MYO16: variants seen among roughly 807,000 people sequenced by gnomAD.
MYO16 encodes myosin XVI.
A neutral mutation model predicts 205.3 loss-of-function variants in MYO16; 94 were observed. The ratio of observed to expected loss-of-function variants is 0.46; its 90% CI spans 0.39 to 0.54. The LOEUF is 0.54. MYO16 is among the 20% of genes least tolerant of loss of function. The pLI is 0.00. For synonymous variants in MYO16, 988 were observed against 954.0 expected, an observed-to-expected ratio of 1.04 and a Z score of -0.66; for missense variants, 2,315 against 2,387.5, an observed-to-expected ratio of 0.97 and a Z score of 0.63.
At chr13:108,604,516 G>A (rs528888546) in intron 1 of MYO16, among the ~76,000 whole-genome samples, 4 of 152,180 alleles carry the variant, frequency 2.6e-5, no homozygotes, top group Non-Finnish European at 5.9e-5. Context: ...AAAAGAACTA[G>A]CAGAATGACC....
At chr13:109,149,307 A>T (rs576918678) in intron 32 of MYO16, among the ~76,000 whole-genome samples, 29 of 152,158 alleles carry the variant, frequency 1.9e-4, no homozygotes, top group Non-Finnish European at 3.2e-4. Flanking sequence ...TCTCCTGTTG[A>T]CCAAGCACAT....
intron 16 of MYO16, among the ~76,000 whole-genome samples, chr13:108,927,331 G>T (rs1402253549): frequency 6.6e-6 from 1 of 152,170 alleles, no homozygotes; most frequent in Non-Finnish European, 1.5e-5. Context: ...TTCTAAATGA[G>T]TGATTTTTCA....
chr13:108,950,923 T>C (rs9587730), intron 16 of MYO16, among the ~76,000 whole-genome samples: 21,349 of 152,186 alleles, frequency 0.14, 1,610 homozygotes, highest in Middle Eastern at 0.27. Context: ...TCCCAGTTTT[T>C]GATTCATAGT....
chr13:108,626,904 TTA>T (rs553256899), upstream of MYO16, among the ~76,000 whole-genome samples: 16 of 146,494 alleles, frequency 1.1e-4, no homozygotes, highest in East Asian at 2.0e-4. Flanking sequence ...TATATGTATA[TTA>T]TATATATTAT....
chr13:108,765,205 T>G (rs1248411281), intron 4 of MYO16, among the ~76,000 whole-genome samples: 2 of 152,140 alleles, frequency 1.3e-5, no homozygotes, highest in Non-Finnish European at 2.9e-5. Context: ...ACCTTAAGAT[T>G]TTCTTCTCAA....
intron 8 of MYO16, among the ~76,000 whole-genome samples, 156 bp downstream of exon 8, chr13:108,820,568 G>A (rs545499663): frequency 6.6e-6 from 1 of 152,032 alleles, no homozygotes; most frequent in Non-Finnish European, 1.5e-5. Context: ...ATTCATCATC[G>A]CCTATGTACG....
intron 33 of MYO16, among the ~76,000 whole-genome samples, chr13:109,179,034 C>A (rs896470807): frequency 6.6e-6 from 1 of 152,144 alleles, no homozygotes; most frequent in African/African-American, 2.4e-5. Context: ...GGAAATTCAG[C>A]CAATCTCTTT....
chr13:108,905,889 C>A (rs1378948902), intron 15 of MYO16, among the ~76,000 whole-genome samples: 1 of 152,176 alleles, frequency 6.6e-6, no homozygotes, highest in Non-Finnish European at 1.5e-5. Context: ...TCACCATCAG[C>A]AAGCATTCGG....
chr13:109,113,784 G>A (rs536171487), intron 28 of MYO16, among the ~76,000 whole-genome samples: 15 of 152,230 alleles, frequency 9.9e-5, no homozygotes, highest in Non-Finnish European at 1.9e-4. Flanking sequence ...AATGACCTGT[G>A]GAAATCTTTA....
At chr13:109,071,142 A>AT (rs911564746) in intron 27 of MYO16, among the ~76,000 whole-genome samples, 7 of 152,128 alleles carry the variant, frequency 4.6e-5, no homozygotes, top group African/African-American at 1.2e-4. Context: ...AGAAATCCAT[A>AT]TTTTTTTAAA....
At chr13:108,770,927 T>C (rs555548952) in intron 4 of MYO16, among the ~76,000 whole-genome samples, 40 of 152,324 alleles carry the variant, frequency 2.6e-4, no homozygotes, top group African/African-American at 8.9e-4. Context: ...GAGTGAGCTA[T>C]AGGCTAGTGG....
chr13:108,888,880 C>G (rs922039800), intron 14 of MYO16, among the ~76,000 whole-genome samples: 1 of 151,944 alleles, frequency 6.6e-6, no homozygotes, highest in Non-Finnish European at 1.5e-5. Context: ...CATTGTGAAA[C>G]CTCGTCTCTA....
At chr13:108,663,849 T>C (rs1170690351) in intron 1 of MYO16, among the ~76,000 whole-genome samples, 1 of 152,206 alleles carries the variant, frequency 6.6e-6, no homozygotes, top group African/African-American at 2.4e-5. Context: ...TTTGTGGCCC[T>C]GTTGATCCCC....
chr13:109,054,036 G>T (rs1231675617), intron 25 of MYO16, among the ~76,000 whole-genome samples: 1 of 152,018 alleles, frequency 6.6e-6, no homozygotes, highest in Non-Finnish European at 1.5e-5. Context: ...TAAGAAAAAC[G>T]ATTTTAGATC....
chr13:109,077,020 C>G (rs1888130998), intron 27 of MYO16, among the ~76,000 whole-genome samples: 1 of 139,270 alleles, frequency 7.2e-6, no homozygotes, highest in African/African-American at 2.7e-5. Context: ...GAGATGGAGT[C>G]TCGCTCTGTC....
At chr13:109,078,192 G>A (rs754368044) in intron 27 of MYO16, among the ~76,000 whole-genome samples, 1 of 151,728 alleles carries the variant, frequency 6.6e-6, no homozygotes, top group Non-Finnish European at 1.5e-5. Flanking sequence ...CATTTTGGAA[G>A]GTCAGGGCAG....
At chr13:108,831,871 G>T (rs1042152648) in intron 9 of MYO16, among the ~76,000 whole-genome samples, 1 of 152,096 alleles carries the variant, frequency 6.6e-6, no homozygotes, top group African/African-American at 2.4e-5. Context: ...AGGCCCAGAA[G>T]ATCTGGAGAA....
intron 13 of MYO16, among the ~76,000 whole-genome samples, chr13:108,883,448 A>C (rs1280445424): frequency 6.6e-6 from 1 of 152,180 alleles, no homozygotes; most frequent in Admixed American, 6.5e-5. Context: ...TTAGATAAAA[A>C]GTTTTTGCTT....
At chr13:108,959,376 T>C (rs1883497623) in intron 17 of MYO16, among the ~76,000 whole-genome samples, 2 of 152,180 alleles carry the variant, frequency 1.3e-5, no homozygotes, top group South Asian at 4.1e-4. Context: ...GAGATATGGA[T>C]AGAAACCATT....
Sources: allele counts gnomAD v4.1 joint callset (sites outside exome capture counted in the v4.1 genomes callset), GRCh38; gene constraint gnomAD v4.1.1; transcripts MANE v1.5; gene names NCBI Gene and HGNC (gene_info 2026-07-23, HGNC 2026-07-21).